The following SHLD2 variants were observed in gnomAD, a reference collection of about 807,000 sequenced individuals.
The protein encoded by SHLD2 is RINN1-REV7-interacting novel NHEJ regulator 2.
SHLD2 carries 30 observed loss-of-function variants against 73.2 expected under a neutral mutation model. That is an observed-to-expected ratio of 0.41 (90% CI 0.31 to 0.56). The LOEUF is 0.56. Among genes scored for constraint, SHLD2 ranks in the 20% least tolerant of loss-of-function variants. The pLI is 0.28. For missense variants in SHLD2, 745 were observed against 1,055.9 expected, an observed-to-expected ratio of 0.71 and a Z score of 4.08; for synonymous variants, 285 against 370.1, an observed-to-expected ratio of 0.77 and a Z score of 2.64.
At chr10:87,171,977 G>A (rs1162292460) in intron 6 of SHLD2, among the ~76,000 whole-genome samples, 1 of 152,206 alleles carries the variant, frequency 6.6e-6, no homozygotes, top group Non-Finnish European at 1.5e-5. Flanking sequence ...GTATAGTGGA[G>A]CCGTAACAAA....
intron 2 of SHLD2, among the ~76,000 whole-genome samples, chr10:87,098,012 T>G (rs1352359854): frequency 1.3e-5 from 2 of 152,084 alleles, no homozygotes; most frequent in Non-Finnish European, 2.9e-5. Context: ...TCTGCCCGCC[T>G]TGGCCACCGA....
At chr10:87,095,121 G>A (rs1027186321), upstream of SHLD2, 1 of 142,292 alleles carries the variant, frequency 7.0e-6, no homozygotes, top group African/African-American at 2.6e-5. Flanking sequence ...GGGCGGGGAG[G>A]AGAGTGGAGG....
At chr10:87,140,253 C>T (rs1448348781) in intron 2 of SHLD2, among the ~76,000 whole-genome samples, 2 of 151,582 alleles carry the variant, frequency 1.3e-5, no homozygotes, top group African/African-American at 4.8e-5. Context: ...AATCTCTTCT[C>T]TACTAAAAAT....
chr10:87,164,984 C>T (rs1258748337), intron 4 of SHLD2, among the ~76,000 whole-genome samples: 4 of 151,854 alleles, frequency 2.6e-5, no homozygotes, highest in Non-Finnish European at 5.9e-5. Context: ...CCCAGGAGTT[C>T]GAGACCAGCC....
rs1233256122 is a variant in SHLD2, at chr10:87,170,651, G to T, written c.1807G>T (p.Val603Phe). The T allele has an allele frequency of 3.1e-6, 5 of 1,606,448 alleles. No individual in the cohort carries two copies. In the Admixed American group the frequency reaches 8.6e-5, roughly 28 times the overall value. ...DVLVHAVLRV[V>F]DFTILTEAVY... ...ATTAGTCCACGCAGTACTAAGAGTT[G>T]TTGATTTCACTATACTGACAGGTAA... is the stretch of plus-strand genomic sequence containing the variant. The change falls in exon 5 of 10, where the codon GTT (valine) becomes TTT (phenylalanine). Residue 603 changes from valine to phenylalanine, a missense_variant. Physicochemically the swap from Val to Phe is conservative, Grantham distance 50. Transcript: ENST00000298786.
chr10:87,154,644 A>G (rs1424885558), intron 3 of SHLD2, among the ~76,000 whole-genome samples: 2 of 151,530 alleles, frequency 1.3e-5, no homozygotes, highest in Admixed American at 6.6e-5. Flanking sequence ...TCCTCCCAAA[A>G]TGCTAGGATT....
intron 2 of SHLD2, among the ~76,000 whole-genome samples, chr10:87,142,922 C>CTTTTTTTTTTTTTTTTTT (rs71269253): frequency 1.2e-5 from 1 of 83,202 alleles, no homozygotes; most frequent in Admixed American, 1.5e-4. Flanking sequence ...TTTATTTTTA[C>CTTTTTTTTTTTTTTTTTT]TTTTTTTTTT....
At chr10:87,109,260 C>T (rs940252626) in intron 2 of SHLD2, among the ~76,000 whole-genome samples, 4 of 152,104 alleles carry the variant, frequency 2.6e-5, no homozygotes, top group Non-Finnish European at 5.9e-5. Context: ...GGGTCCTTCC[C>T]CACAAACACT....
chr10:87,163,160 G>A (rs1564606406), intron 4 of SHLD2, among the ~76,000 whole-genome samples: 3 of 151,952 alleles, frequency 2.0e-5, no homozygotes, highest in Admixed American at 1.3e-4. Flanking sequence ...TCTATGAACT[G>A]ATATGGAGTG....
chr10:87,148,771 A>G (rs9421599), intron 2 of SHLD2, among the ~76,000 whole-genome samples: 102,163 of 151,818 alleles, frequency 0.67, 34,968 homozygotes, highest in East Asian at 0.84. Flanking sequence ...AAGATTTGAA[A>G]CTAAAGGGAA....
chr10:87,169,936 G>T (rs1254119045), intron 4 of SHLD2, among the ~76,000 whole-genome samples: 2 of 152,196 alleles, frequency 1.3e-5, no homozygotes, highest in African/African-American at 4.8e-5. Flanking sequence ...CATTCTATGT[G>T]GTATTGGGTA....
intron 2 of SHLD2, among the ~76,000 whole-genome samples, chr10:87,119,513 A>C (rs1357924329): frequency 2.0e-5 from 3 of 152,142 alleles, no homozygotes; most frequent in African/African-American, 7.2e-5. Flanking sequence ...CTGTAATCCC[A>C]GCACTTTGGA....
At position 87,110,536 on chromosome 10, in the gene SHLD2, G is replaced by T. The variant is rs543241376; in HGVS notation, c.-6+13547G>T. ...GCAGGAGAATCACTTGAACCCGGGA[G>T]GCAGAGGTTGCAGTGAGCTGAGATT... On this transcript the variant is annotated intron_variant, in intron 2 of 9. Coordinates refer to ENST00000298786, the MANE Select transcript of SHLD2 (RefSeq NM_001330112.2). Among the ~76,000 whole-genome samples the T allele has an allele frequency of 1.0e-3, 158 of 151,062 alleles. 1 individual carries two copies. The highest frequency in any genetic ancestry group is 3.8e-3 in the African/African-American group (157 of 41,082).
At chr10:87,136,557 T>C in intron 2 of SHLD2, among the ~76,000 whole-genome samples, 1 of 152,090 alleles carries the variant, frequency 6.6e-6, no homozygotes, top group Non-Finnish European at 1.5e-5. Context: ...TATATCCACA[T>C]ATCTATAAAT....
At chr10:87,114,089 CT>C (rs1843098363) in intron 2 of SHLD2, 1 of 151,938 alleles carries the variant, frequency 6.6e-6, no homozygotes, top group African/African-American at 2.4e-5. Flanking sequence ...GTTTAGTAAC[CT>C]TTAGTTAACC....
At chr10:87,179,149 A>C (rs1848142740) in intron 7 of SHLD2, among the ~76,000 whole-genome samples, 1 of 152,240 alleles carries the variant, frequency 6.6e-6, no homozygotes, top group African/African-American at 2.4e-5. Flanking sequence ...TTAGGAAAAA[A>C]TAATGTCTGG....
intron 3 of SHLD2, among the ~76,000 whole-genome samples, chr10:87,155,205 G>C (rs968225021): frequency 1.3e-5 from 2 of 152,196 alleles, no homozygotes; most frequent in Non-Finnish European, 2.9e-5. Flanking sequence ...AAAGTGCTGG[G>C]ATTACAGGCG....
chr10:87,164,243 C>A (rs1178810215), intron 4 of SHLD2, among the ~76,000 whole-genome samples: 2 of 152,010 alleles, frequency 1.3e-5, no homozygotes, highest in East Asian at 3.8e-4. Flanking sequence ...CAGGTGTGAG[C>A]CACTGTGCCT....
Position 87,152,663 on chromosome 10 carries a change from T to C in SHLD2, c.1309T>C (p.Ser437Pro). ...KKTSLIKNCD[S>P]KSQKYNCLVM... ...AACATCATTAATAAAAAACTGTGAT[T>C]CTAAAAGCCAGAAGTATAATTGTTT... Residue 437 changes from serine (S) to proline (P), a missense_variant, in exon 3 of 10, where the codon TCT (serine) becomes CCT (proline). Around this residue, in one of 5 missense-constraint regions of SHLD2, gnomAD observed 418 missense variants for 567.8 expected, o/e 0.74. Transcript: ENST00000298786. 6.2e-7 allele frequency: 1 copy of C among 1,610,556 alleles called. No homozygotes were observed. The highest frequency in any genetic ancestry group is 2.2e-5 in the East Asian group (1 of 44,824).
Sources: allele counts gnomAD v4.1 joint callset (sites outside exome capture counted in the v4.1 genomes callset), GRCh38; gene constraint gnomAD v4.1.1; regional missense constraint gnomAD v4.1.1; transcripts MANE v1.5; gene names NCBI Gene and HGNC (gene_info 2026-07-23, HGNC 2026-07-21).